The following TRDN variants were observed in gnomAD, a reference collection of about 807,000 sequenced individuals.
The protein encoded by TRDN is triadin, also known as triadin in skeletal muscle.
Under a neutral mutation model 149.7 loss-of-function variants are expected in TRDN, and 161 were observed. That is an observed-to-expected ratio of 1.08 (90% CI 0.95 to 1.23). TRDN has a LOEUF of 1.23. Among genes scored for constraint, TRDN ranks in the 50% most tolerant of loss-of-function variants. The pLI is 0.00. For synonymous variants in TRDN, 294 were observed against 250.5 expected (o/e 1.17, Z -1.64); for missense variants, 896 against 823.5 (o/e 1.09, Z -1.08).
intron 9 of TRDN, chr6:123,468,782 T>C (rs1463777892): frequency 6.6e-6 from 1 of 152,210 alleles, no homozygotes; most frequent in African/African-American, 2.4e-5. Flanking sequence ...GGCTGTTTTT[T>C]TCTCTACCAT....
chr6:123,299,571 G>A (rs7745242), intron 24 of TRDN, among the ~76,000 whole-genome samples: 68,502 of 151,834 alleles, frequency 0.45, 16,279 homozygotes, highest in Middle Eastern at 0.57. Flanking sequence ...ACGTCATACA[G>A]GTGCCCACAA....
intron 1 of TRDN, among the ~76,000 whole-genome samples, chr6:123,625,066 CTT>C (rs3064015): frequency 0.26 from 36,828 of 144,300 alleles, 4,717 homozygotes; most frequent in East Asian, 0.43. Context: ...CTTCCTGTCT[CTT>C]TTTTTTTTTT....
At chr6:123,466,615 G>A (rs549833807) in intron 9 of TRDN, among the ~76,000 whole-genome samples, 174 of 151,826 alleles carry the variant, frequency 1.1e-3, no homozygotes, top group African/African-American at 3.0e-3. Flanking sequence ...CTACTTTCTC[G>A]GTGGGTCAAA....
intron 20 of TRDN, among the ~76,000 whole-genome samples, chr6:123,357,573 G>A (rs1780732221): frequency 6.6e-6 from 1 of 152,114 alleles, no homozygotes; most frequent in African/African-American, 2.4e-5. Context: ...AAGATGTGTA[G>A]TGCCTGAGTC....
intron 12 of TRDN, among the ~76,000 whole-genome samples, chr6:123,416,698 C>CTTTTTTTTTTTTTTTTTTTTT (rs139842688): frequency 6.8e-6 from 1 of 146,272 alleles, no homozygotes. Flanking sequence ...TTCTTTTCCT[C>CTTTTTTTTTTTTTTTTTTTTT]TTTTTTTCTT....
intron 4 of TRDN, among the ~76,000 whole-genome samples, chr6:123,544,886 T>C (rs527976285): frequency 1.3e-5 from 2 of 152,074 alleles, no homozygotes; most frequent in East Asian, 3.9e-4. Flanking sequence ...TCCATATTAA[T>C]AATCTGTTTA....
intron 9 of TRDN, among the ~76,000 whole-genome samples, chr6:123,478,896 C>A (rs1777620007): frequency 6.6e-6 from 1 of 152,096 alleles, no homozygotes; most frequent in African/African-American, 2.4e-5. Flanking sequence ...TTATCCACTG[C>A]TTCTGTGGTT....
At chr6:123,275,834 AC>A (rs1158607558) in intron 26 of TRDN, among the ~76,000 whole-genome samples, 53 of 152,152 alleles carry the variant, frequency 3.5e-4, no homozygotes, top group African/African-American at 1.2e-3. Context: ...TACATTTGTG[AC>A]TTAGTCCATT....
chr6:123,243,803 G>C lies in TRDN; in HGVS notation c.1975+8609C>G, dbSNP rs1044991858. 3.3e-5 allele frequency among the ~76,000 whole-genome samples: 5 copies of C among 152,124 alleles called. No homozygotes were observed. In the East Asian group the frequency reaches 9.7e-4, roughly 29 times the overall value. On this transcript the variant is annotated intron_variant, in intron 38 of 40. Transcript: ENST00000334268. ...TGATGAGCAATTTTTTTTTGTTACA[G>C]TTAGGATGACATAAAGTGACAGAAT...
intron 1 of TRDN, among the ~76,000 whole-genome samples, chr6:123,614,677 AG>A (rs1784996659): frequency 1.3e-5 from 2 of 151,986 alleles, no homozygotes; most frequent in African/African-American, 4.8e-5. Context: ...CTTAAATGTA[AG>A]GCCTGAAACC....
chr6:123,286,272 C>G (rs1238530895), intron 24 of TRDN, among the ~76,000 whole-genome samples: 1 of 152,006 alleles, frequency 6.6e-6, no homozygotes, highest in African/African-American at 2.4e-5. Flanking sequence ...TGGAATCACC[C>G]CAAATGCTCA....
chr6:123,232,303 A>G (rs767324905), intron 38 of TRDN, among the ~76,000 whole-genome samples: 3 of 152,064 alleles, frequency 2.0e-5, no homozygotes, highest in Non-Finnish European at 2.9e-5. Context: ...AGAGGTTAAC[A>G]ATAGGGGAGA....
intron 27 of TRDN, 55 bp downstream of exon 27, chr6:123,274,586 A>C: frequency 6.7e-7 from 1 of 1,502,760 alleles, no homozygotes; most frequent in Non-Finnish European, 9.1e-7. Flanking sequence ...TTTAGTACTT[A>C]ATAAAATAAA....
intron 38 of TRDN, among the ~76,000 whole-genome samples, chr6:123,242,037 C>A (rs1246627270): frequency 6.6e-6 from 1 of 152,112 alleles, no homozygotes; most frequent in Admixed American, 6.6e-5. Context: ...CTATGCACAC[C>A]TATAAAATCT....
intron 1 of TRDN, among the ~76,000 whole-genome samples, chr6:123,617,513 G>A (rs1785157311): frequency 6.6e-6 from 1 of 152,046 alleles, no homozygotes; most frequent in African/African-American, 2.4e-5. Flanking sequence ...TAATTTTGCT[G>A]ATTATTAGCT....
intron 13 of TRDN, 65 bp downstream of exon 13, chr6:123,393,559 T>C: frequency 1.4e-6 from 2 of 1,458,950 alleles, no homozygotes; most frequent in Non-Finnish European, 1.9e-6. Flanking sequence ...GCTTTTGCTT[T>C]TGTCAATAAA....
intron 4 of TRDN, among the ~76,000 whole-genome samples, chr6:123,542,973 T>A (rs1035631972): frequency 9.2e-5 from 14 of 152,074 alleles, no homozygotes; most frequent in African/African-American, 3.4e-4. Context: ...AATTTATATT[T>A]CTAAAAAATA....
intron 38 of TRDN, among the ~76,000 whole-genome samples, chr6:123,240,951 A>G (rs1211095574): frequency 1.3e-5 from 2 of 151,954 alleles, no homozygotes; most frequent in Admixed American, 1.3e-4. Flanking sequence ...GCTAGAAAGT[A>G]TCATTAATTT....
At chr6:123,336,090 G>A (rs563120610) in intron 22 of TRDN, among the ~76,000 whole-genome samples, 101 of 151,932 alleles carry the variant, frequency 6.6e-4, no homozygotes, top group African/African-American at 2.2e-3. Flanking sequence ...ATTTTTCATA[G>A]TGTATGTCCA....
Sources: allele counts gnomAD v4.1 joint callset (sites outside exome capture counted in the v4.1 genomes callset), GRCh38; gene constraint gnomAD v4.1.1; transcripts MANE v1.5; gene names NCBI Gene and HGNC (gene_info 2026-07-23, HGNC 2026-07-21).